Variants in HACE1 observed in about 807,000 individuals in gnomAD.
HACE1 encodes E3 ubiquitin-protein ligase HACE1.
HACE1 carries 73 observed loss-of-function variants against 118.4 expected under a neutral mutation model. The observed-to-expected ratio is 0.62, with a 90% CI of 0.51 to 0.75. HACE1 has a LOEUF of 0.75. HACE1 is among the 30% of genes least tolerant of loss of function. The pLI, the probability that HACE1 is intolerant of heterozygous loss-of-function variation, is 0.00. For synonymous variants in HACE1, 368 were observed against 374.8 expected (o/e 0.98, Z 0.21); for missense variants, 749 against 1,102.2 (o/e 0.68, Z 4.54).
At chr6:104,795,103 C>T (rs528514566) in intron 10 of HACE1, among the ~76,000 whole-genome samples, 50 of 151,858 alleles carry the variant, frequency 3.3e-4, no homozygotes, top group African/African-American at 9.2e-4. Context: ...ATTAACTCCA[C>T]GAACTTAGTG....
At chr6:104,776,202 G>A (rs2114741920) in intron 17 of HACE1, among the ~76,000 whole-genome samples, 1 of 152,244 alleles carries the variant, frequency 6.6e-6, no homozygotes, top group East Asian at 1.9e-4. Context: ...AATAAAGTTA[G>A]TATACATAAA....
intron 17 of HACE1, among the ~76,000 whole-genome samples, chr6:104,776,303 AG>A (rs1195685978): frequency 6.6e-6 from 1 of 152,254 alleles, no homozygotes; most frequent in Admixed American, 6.5e-5. Context: ...AAATAGAGTT[AG>A]CAAATTTTTA....
At chr6:104,785,472 G>A in intron 11 of HACE1, 153 bp from the exon 12 acceptor site, 1 of 615,404 alleles carries the variant, frequency 1.6e-6, no homozygotes, top group Admixed American at 2.9e-5. Flanking sequence ...ATGCCTAAAG[G>A]TAAGTAATAA....
rs1227461453 is a variant in HACE1 at position 104,730,430 on chromosome 6, T to A, written c.2514-14A>T. 1 of 1,085,732 alleles carries A rather than the reference T, an allele frequency of 9.2e-7. No homozygotes were observed. The highest frequency in any genetic ancestry group is 1.2e-5 in the South Asian group (1 of 80,656). The allele number at this position is 1,085,732 out of a possible 1,614,324, so 67.3% of individuals were successfully genotyped here. A position where few individuals can be genotyped will look rare whatever the true frequency, so the allele number is the denominator to read the frequency against. ...GGGACCCTGGAACTAAGAGTTTATA[T>A]CTTAATACATTGTAATCATGAAAGA... is the stretch of plus-strand genomic sequence containing the variant. On this transcript the variant is annotated splice_polypyrimidine_tract_variant and intron_variant, in intron 22 of 23. Coordinates refer to ENST00000262903, the MANE Select transcript of HACE1 (RefSeq NM_020771.4).
intron 19 of HACE1, among the ~76,000 whole-genome samples, chr6:104,768,851 T>C (rs1780312059): frequency 6.6e-6 from 1 of 152,150 alleles, no homozygotes. Flanking sequence ...GGGTATATCC[T>C]CAATGTGAGC....
At chr6:104,784,391 G>A in intron 13 of HACE1, 26 bp downstream of exon 13, 1 of 1,452,658 alleles carries the variant, frequency 6.9e-7, no homozygotes, top group South Asian at 1.1e-5. Context: ...GGCTAGCAGG[G>A]TACTCCACAA....
At chr6:104,752,359 T>A (rs536689834) in intron 19 of HACE1, among the ~76,000 whole-genome samples, 1 of 152,334 alleles carries the variant, frequency 6.6e-6, no homozygotes, top group South Asian at 2.1e-4. Flanking sequence ...TCATAGTGAT[T>A]ACAGCAGTGA....
At chr6:104,783,076 C>T (rs1781909951) in intron 14 of HACE1, among the ~76,000 whole-genome samples, 1 of 152,190 alleles carries the variant, frequency 6.6e-6, no homozygotes, top group Non-Finnish European at 1.5e-5. Context: ...TATCTTGCTC[C>T]TATCAACACA....
intron 22 of HACE1, among the ~76,000 whole-genome samples, chr6:104,733,632 C>G (rs971168903): frequency 6.6e-6 from 1 of 151,892 alleles, no homozygotes; most frequent in African/African-American, 2.4e-5. Flanking sequence ...GCTGGTGGAT[C>G]ACTTGAGATC....
intron 1 of HACE1, chr6:104,859,312 G>A (rs1777065671): frequency 2.1e-6 from 1 of 469,480 alleles, no homozygotes; most frequent in Non-Finnish European, 3.8e-6. Flanking sequence ...GACGTTGCGA[G>A]ACCTTTGTCT....
chr6:104,834,470 T>C (rs1774328059), intron 5 of HACE1, among the ~76,000 whole-genome samples: 1 of 152,180 alleles, frequency 6.6e-6, no homozygotes, highest in Admixed American at 6.5e-5. Flanking sequence ...CTCTGGACTA[T>C]GCTATCCATT....
intron 22 of HACE1, among the ~76,000 whole-genome samples, chr6:104,734,827 C>T (rs747380117): frequency 7.9e-5 from 12 of 152,104 alleles, no homozygotes; most frequent in African/African-American, 1.4e-4. Flanking sequence ...TAAGAGACAA[C>T]TTAGTACTAA....
chr6:104,835,025 A>G (rs1023909583), intron 5 of HACE1, among the ~76,000 whole-genome samples: 8 of 152,236 alleles, frequency 5.3e-5, no homozygotes, highest in Non-Finnish European at 1.2e-4. Flanking sequence ...TTAAATATTG[A>G]ATATTGATTT....
intron 19 of HACE1, among the ~76,000 whole-genome samples, chr6:104,764,694 A>G (rs1183415806): frequency 6.6e-6 from 1 of 152,214 alleles, no homozygotes; most frequent in Non-Finnish European, 1.5e-5. Flanking sequence ...TTCATCATCA[A>G]TGAATGAGCA....
chr6:104,804,459 A>G (rs1473131418), intron 7 of HACE1, among the ~76,000 whole-genome samples: 1 of 152,222 alleles, frequency 6.6e-6, no homozygotes, highest in East Asian at 1.9e-4. Flanking sequence ...ACCTGACTTC[A>G]AACTATACTA....
At position 104,777,052 on chromosome 6, in the gene HACE1, C is replaced by A. The variant is rs370765018; in HGVS notation, c.1737G>T (p.Lys579Asn). ...VVSKANCAKL[K>N]QGIAVRFHGE... ...CATGGAACCGTACAGCAATCCCTTG[C>A]TTTAGCTTTGCACAATTTGCTTTTG... The change falls in exon 16 of 24, where the codon AAG (lysine) becomes AAT (asparagine). Residue 579 changes from lysine to asparagine, a missense_variant. Around this residue, in one of 5 missense-constraint regions of HACE1, gnomAD observed 195 missense variants for 322.1 expected, o/e 0.61. Transcript: ENST00000262903. 3 of 1,612,912 alleles carry A rather than the reference C, an allele frequency of 1.9e-6. No homozygotes were observed. Among genetic ancestry groups the A allele is most frequent in the African/African-American group, 1.3e-5 (1 of 74,922 alleles).
At chr6:104,838,221 T>C (rs1774737266) in intron 5 of HACE1, among the ~76,000 whole-genome samples, 1 of 152,156 alleles carries the variant, frequency 6.6e-6, no homozygotes, top group South Asian at 2.1e-4. Context: ...AAAATTTATA[T>C]GGAATCACAA....
intron 14 of HACE1, among the ~76,000 whole-genome samples, chr6:104,782,173 G>A (rs1401958527): frequency 6.6e-6 from 1 of 152,166 alleles, no homozygotes; most frequent in Non-Finnish European, 1.5e-5. Context: ...CCCCAGAACA[G>A]TATCATACAG....
chr6:104,805,209 G>A (rs574403344), intron 7 of HACE1, among the ~76,000 whole-genome samples: 2 of 152,140 alleles, frequency 1.3e-5, no homozygotes, highest in African/African-American at 4.8e-5. Context: ...GAAACAACAA[G>A]TGCTGGAGAG....
Sources: gnomAD v4.1 joint callset for allele counts (sites outside exome capture counted in the v4.1 genomes callset) on GRCh38, gnomAD v4.1.1 for gene constraint, gnomAD v4.1.1 regional missense constraint, MANE v1.5 for transcripts, NCBI Gene and HGNC (gene_info 2026-07-23, HGNC 2026-07-21) for gene names.